The following INSM1 variants were observed in gnomAD, a reference collection of about 807,000 sequenced individuals.
INSM1 encodes the protein insulinoma-associated protein 1.
Under a neutral mutation model 21.1 loss-of-function variants are expected in INSM1, and 11 were observed. The ratio of observed to expected loss-of-function variants is 0.52; its 90% CI spans 0.33 to 0.86. The LOEUF (loss-of-function observed/expected upper bound fraction) is 0.86. INSM1 is among the 40% of genes least tolerant of loss of function. INSM1 has a pLI of 0.03. For missense variants in INSM1, 843 were observed against 760.1 expected, an observed-to-expected ratio of 1.11 and a Z score of -1.28; for synonymous variants, 473 against 386.1, an observed-to-expected ratio of 1.23 and a Z score of -2.64.
At position 20,368,739 on chromosome 20, in the gene INSM1, G is replaced by A. The variant is rs1311923595; in HGVS notation, c.472G>A (p.Asp158Asn). 1.7e-6 allele frequency: 2 copies of A among 1,177,234 alleles called. No homozygotes were observed. Among genetic ancestry groups the A allele is most frequent in the Non-Finnish European group, 2.1e-6 (2 of 939,866 alleles). The allele number at this position is 1,177,234 out of a possible 1,614,324, so 72.9% of individuals were successfully genotyped here. ...GAGGGGTCGG[D>N]PLLFAPAELK... ...TGGCGGAGGCGGCACCTGCGGCGGC[G>A]ACCCGCTGCTCTTCGCGCCCGCCGA... Residue 158 changes from aspartate (D) to asparagine (N), a missense_variant, in exon 1 of 1, where the codon GAC becomes AAC. Transcript: ENST00000310227. The surrounding 1 kb of genome is among the most constrained non-coding windows in gnomAD (Gnocchi z 4.3).
At position 20,369,426 on chromosome 20, in the gene INSM1, C is replaced by T. The variant is rs1452456726; in HGVS notation, c.1159C>T (p.Leu387=). 10 of 1,550,982 alleles carry T rather than the reference C, an allele frequency of 6.4e-6. No individual in the cohort carries two copies. The Middle Eastern group carries it at 5.0e-4, about 78-fold the overall frequency. Residue 387 remains leucine, a synonymous_variant, in exon 1 of 1, where the codon CTG becomes TTG. Transcript: ENST00000310227. The surrounding 1 kb of genome is among the most constrained non-coding windows in gnomAD (Gnocchi z 5.6). ...RRQAYLRKHL[L]AHHQALQAKG... ...CCAGGCCTACCTACGCAAGCACCTG[C>T]TGGCGCACCACCAGGCGCTGCAGGC...
chr20:20,369,373 G>C lies in INSM1; in HGVS notation c.1106G>C (p.Cys369Ser), dbSNP rs751802028. 1.9e-6 allele frequency: 3 copies of C among 1,543,752 alleles called. No homozygotes were observed. The African/African-American group carries it at 4.2e-5, about 22-fold the overall frequency. The change falls in exon 1 of 1, where the codon TGC becomes TCC. Residue 369 changes from cysteine (C) to serine (S), a missense_variant. Transcript: ENST00000310227. The surrounding 1 kb of genome is among the most constrained non-coding windows in gnomAD (Gnocchi z 5.6). ...GGCTCCGAGGACGGGCTCTACGAGT[G>C]CCATCACTGCGCCAAGAAGTTCCGC... ...ESGSEDGLYE[C>S]HHCAKKFRRQ...
Position 20,370,118 on chromosome 20 carries a change from G to A in INSM1, c.*318G>A, listed in dbSNP as rs1449950527. ...GTGGTTGGAAGCCTCCCCTTGGCGG[G>A]GAGAAGCTTTTTTTCTTGCTAGTAT... On this transcript the variant is annotated 3_prime_UTR_variant, in exon 1 of 1. Coordinates refer to ENST00000310227, the MANE Select transcript of INSM1 (RefSeq NM_002196.3). The A allele has an allele frequency of 3.1e-6, 1 of 327,444 alleles. No individual in the cohort carries two copies. Among genetic ancestry groups the A allele is most frequent in the Non-Finnish European group, 5.9e-6 (1 of 170,878 alleles). 20.3% of individuals were successfully genotyped at this position (327,444 alleles called of 1,614,324 possible).
At position 20,369,863 on chromosome 20, in the gene INSM1, G is replaced by C; in HGVS notation, c.*63G>C. On this transcript the variant is annotated 3_prime_UTR_variant, in exon 1 of 1. Transcript: ENST00000310227. This position sits in a 1 kb window ranked among gnomAD's most constrained non-coding sequence, Gnocchi z 5.6. Reference sequence around the variant, plus strand: ...GCTTGGAGACCCACAAAGAGAGTGCGCCCTGCACTCCCCGAACCCGAGTCC... The same window carrying C: ...GCTTGGAGACCCACAAAGAGAGTGCCCCCTGCACTCCCCGAACCCGAGTCC... 1 of 1,428,448 alleles carries C rather than the reference G, an allele frequency of 7.0e-7. No homozygotes were observed. The highest frequency in any genetic ancestry group is 9.4e-7 in the Non-Finnish European group (1 of 1,058,488). The allele number at this position is 1,428,448 out of a possible 1,614,324, so 88.5% of individuals were successfully genotyped here.
rs1238380323 is a variant in INSM1, at chr20:20,369,248, C to T, written c.981C>T (p.Arg327=). 6.9e-6 allele frequency: 10 copies of T among 1,441,256 alleles called. No individual in the cohort carries two copies. Among genetic ancestry groups the T allele is most frequent in the Non-Finnish European group, 9.0e-6 (10 of 1,105,570 alleles). The allele number at this position is 1,441,256 out of a possible 1,614,324, so 89.3% of individuals were successfully genotyped here. Residue 327 remains arginine (R), a synonymous_variant, in exon 1 of 1, where the codon CGC becomes CGT. Coordinates refer to ENST00000310227, the MANE Select transcript of INSM1 (RefSeq NM_002196.3). The surrounding 1 kb of genome is among the most constrained non-coding windows in gnomAD (Gnocchi z 5.6). ...CGCGGCCCGCGCCCGCCGCCGCCCG[C>T]GCGCCGGAGCCAGAAGCAGCAGCCA... The part of the protein sequence containing the change: ...HKPRPAPAAA[R]APEPEAAARA...
rs1406457391 is a variant in INSM1, at chr20:20,368,141, C to G, written c.-127C>G. On this transcript the variant is annotated 5_prime_UTR_variant, in exon 1 of 1. Transcript: ENST00000310227. The surrounding 1 kb of genome is among the most constrained non-coding windows in gnomAD (Gnocchi z 4.3). ...GTGCAGGGCGCAGAGCTGGGCCGAGCCGTCGCCGGCGCCACGCGAGTCCCG... is the reference window on the plus strand; with the variant it reads ...GTGCAGGGCGCAGAGCTGGGCCGAGGCGTCGCCGGCGCCACGCGAGTCCCG... 1 of 657,318 alleles carries G rather than the reference C, an allele frequency of 1.5e-6. No homozygotes were observed. The highest frequency in any genetic ancestry group is 1.9e-6 in the Non-Finnish European group (1 of 520,688). The allele number at this position is 657,318 out of a possible 1,614,324, so 40.7% of individuals were successfully genotyped here. A position where few individuals can be genotyped will look rare whatever the true frequency, so the allele number is the denominator to read the frequency against.
In INSM1 at chr20:20,370,003, C is replaced by T. The variant is rs1382703228; in HGVS notation, c.*203C>T. 3.6e-6 allele frequency: 2 copies of T among 550,274 alleles called. No homozygotes were observed. Among genetic ancestry groups the T allele is most frequent in the Non-Finnish European group, 6.5e-6 (2 of 308,736 alleles). The allele number at this position is 550,274 out of a possible 1,614,324, so 34.1% of individuals were successfully genotyped here. On this transcript the variant is annotated 3_prime_UTR_variant, in exon 1 of 1. Coordinates refer to ENST00000310227, the MANE Select transcript of INSM1 (RefSeq NM_002196.3). ...CTTTTGACTCCTTTTGGAACCCCCA[C>T]TTTTACGTTGTGTCCCTCCGCCTCC...
Position 20,369,819 on chromosome 20 carries a change from G to GC in INSM1, c.*24dup, listed in dbSNP as rs2059493004. Reference sequence around the variant, plus strand: ...CTGCTAGAGCGCGCCCTCCACCCCGGCCCCCGAACTGTGCCTTCGCTTGGA... The same window carrying GC: ...CTGCTAGAGCGCGCCCTCCACCCCGGCCCCCCGAACTGTGCCTTCGCTTGGA... On this transcript the variant is annotated 3_prime_UTR_variant, in exon 1 of 1. Coordinates refer to ENST00000310227, the MANE Select transcript of INSM1 (RefSeq NM_002196.3). This position sits in a 1 kb window ranked among gnomAD's most constrained non-coding sequence, Gnocchi z 5.6. 2 of 1,567,404 alleles carry GC rather than the reference G, an allele frequency of 1.3e-6. No individual in the cohort carries two copies. Among genetic ancestry groups the GC allele is most frequent in the Non-Finnish European group, 1.7e-6 (2 of 1,155,880 alleles).
rs2059485887 is a variant in INSM1, at chr20:20,368,696, C to A, written c.429C>A (p.Gly143=). Residue 143 remains glycine (G), a synonymous_variant, in exon 1 of 1, where the codon GGC becomes GGA. Coordinates refer to ENST00000310227, the MANE Select transcript of INSM1 (RefSeq NM_002196.3). The surrounding 1 kb of genome is among the most constrained non-coding windows in gnomAD (Gnocchi z 4.3). ...TPAALLGGGG[G]GGASGAGGGG... Reference sequence around the variant, plus strand: ...CCGCGCTGCTCGGAGGGGGCGGCGGCGGCGGCGCGAGCGGAGCTGGCGGAG... The same window carrying A: ...CCGCGCTGCTCGGAGGGGGCGGCGGAGGCGGCGCGAGCGGAGCTGGCGGAG... The A allele has an allele frequency of 7.8e-7, 1 of 1,289,322 alleles. No individual in the cohort carries two copies. The highest frequency in any genetic ancestry group is 1.0e-6 in the Non-Finnish European group (1 of 1,004,266). The allele number at this position is 1,289,322 out of a possible 1,614,324, so 79.9% of individuals were successfully genotyped here.
In INSM1 at chr20:20,369,890, C is replaced by G; in HGVS notation, c.*90C>G. The G allele has an allele frequency of 1.5e-5, 18 of 1,165,452 alleles. No homozygotes were observed. Among genetic ancestry groups the G allele is most frequent in the Non-Finnish European group, 2.1e-5 (18 of 845,030 alleles). The allele number at this position is 1,165,452 out of a possible 1,614,324, so 72.2% of individuals were successfully genotyped here. A position where few individuals can be genotyped will look rare whatever the true frequency, so the allele number is the denominator to read the frequency against. The stretch of plus-strand genomic sequence containing the variant: ...CCTGCACTCCCCGAACCCGAGTCCG[C>G]GCTGGGGGAGCCTCGCCCCCGCCCC... On this transcript the variant is annotated 3_prime_UTR_variant, in exon 1 of 1. Coordinates refer to ENST00000310227, the MANE Select transcript of INSM1 (RefSeq NM_002196.3). This position sits in a 1 kb window ranked among gnomAD's most constrained non-coding sequence, Gnocchi z 5.6.
Position 20,369,351 on chromosome 20 carries a change from T to C in INSM1, c.1084T>C (p.Ser362Pro). 2 of 1,486,848 alleles carry C rather than the reference T, an allele frequency of 1.3e-6. No individual in the cohort carries two copies. The highest frequency in any genetic ancestry group is 1.3e-5 in the South Asian group (1 of 76,840). 92.1% of individuals were successfully genotyped at this position (1,486,848 alleles called of 1,614,324 possible). ...CCCCGGCGGCGTGTCCGAGTCGGGC[T>C]CCGAGGACGGGCTCTACGAGTGCCA... is the stretch of plus-strand genomic sequence containing the variant. ...PSPGGVSESGSEDGLYECHHC... is the reference protein window; with the variant it reads ...PSPGGVSESGPEDGLYECHHC... Residue 362 changes from serine to proline, a missense_variant, in exon 1 of 1, where the codon TCC becomes CCC. Coordinates refer to ENST00000310227, the MANE Select transcript of INSM1 (RefSeq NM_002196.3). The surrounding 1 kb of genome is among the most constrained non-coding windows in gnomAD (Gnocchi z 5.6).
chr20:20,368,904 A>G lies in INSM1; in HGVS notation c.637A>G (p.Lys213Glu). The change falls in exon 1 of 1, where the codon AAG becomes GAG. Residue 213 changes from lysine to glutamate, a missense_variant. Coordinates refer to ENST00000310227, the MANE Select transcript of INSM1 (RefSeq NM_002196.3). The surrounding 1 kb of genome is among the most constrained non-coding windows in gnomAD (Gnocchi z 4.3). ...PPPTAAEPPA[K>E]AVKAPGAKKP... ...CCCTACCGCCGCGGAGCCGCCCGCC[A>G]AGGCAGTCAAGGCCCCGGGCGCCAA... The G allele has an allele frequency of 2.0e-6, 3 of 1,489,844 alleles. No homozygotes were observed. The highest frequency in any genetic ancestry group is 2.7e-6 in the Non-Finnish European group (3 of 1,122,720). The allele number at this position is 1,489,844 out of a possible 1,614,324, so 92.3% of individuals were successfully genotyped here.
rs1311244624 is a variant in INSM1 at position 20,369,135 on chromosome 20, A to G, written c.868A>G (p.Ile290Val). ...GCTGGCGCAGCACAAATGCTCGCGC[A>G]TCGTGCGTGTGGAGTACCGCTGTCC... ...FALAQHKCSR[I>V]VRVEYRCPEC... The change falls in exon 1 of 1, where the codon ATC becomes GTC. Residue 290 changes from isoleucine to valine, a missense_variant. By Grantham distance (29) the Ile-to-Val change is conservative. Transcript: ENST00000310227. This position sits in a 1 kb window ranked among gnomAD's most constrained non-coding sequence, Gnocchi z 5.6. 1 of 1,587,090 alleles carries G rather than the reference A, an allele frequency of 6.3e-7. No individual in the cohort carries two copies. The highest frequency in any genetic ancestry group is 1.7e-5 in the Admixed American group (1 of 58,568).
Position 20,369,103 on chromosome 20 carries a change from C to G in INSM1, c.836C>G (p.Pro279Arg). The change falls in exon 1 of 1, where the codon CCG (proline) becomes CGG (arginine). Residue 279 changes from proline to arginine, a missense_variant. Coordinates refer to ENST00000310227, the MANE Select transcript of INSM1 (RefSeq NM_002196.3). The surrounding 1 kb of genome is among the most constrained non-coding windows in gnomAD (Gnocchi z 5.6). The stretch of plus-strand genomic sequence containing the variant: ...CTGTGCAAGGAGGAGTACGCCGACC[C>G]GTTCGCGCTGGCGCAGCACAAATGC... ...CQLCKEEYAD[P>R]FALAQHKCSR... 1.9e-6 allele frequency: 3 copies of G among 1,586,794 alleles called. No homozygotes were observed. The highest frequency in any genetic ancestry group is 2.6e-6 in the Non-Finnish European group (3 of 1,171,472).
In INSM1 at chr20:20,368,598, G is replaced by A. The variant is rs867761082; in HGVS notation, c.331G>A (p.Glu111Lys). The change falls in exon 1 of 1, where the codon GAG becomes AAG. Residue 111 changes from glutamate (E) to lysine (K), a missense_variant. Transcript: ENST00000310227. The surrounding 1 kb of genome is among the most constrained non-coding windows in gnomAD (Gnocchi z 4.3). ...CACGCGGCCCGTGAGCCGCGAGCAC[G>A]AGAAGCACAAGTACTTCGAACGCAG... Reference protein sequence around the residue: ...SPTRPVSREHEKHKYFERSFN... With the variant: ...SPTRPVSREHKKHKYFERSFN... The A allele has an allele frequency of 1.4e-6, 2 of 1,468,838 alleles. No homozygotes were observed. Among genetic ancestry groups the A allele is most frequent in the African/African-American group, 1.5e-5 (1 of 67,684 alleles). 91.0% of individuals were successfully genotyped at this position (1,468,838 alleles called of 1,614,324 possible). A position where few individuals can be genotyped will look rare whatever the true frequency, so the allele number is the denominator to read the frequency against.
rs61733922 is a variant in INSM1 at position 20,369,743 on chromosome 20, C to T, written c.1476C>T (p.His492=). 2.8e-3 allele frequency: 4,513 copies of T among 1,603,250 alleles called. 105 individuals are homozygous for T. The African/African-American group carries it at 0.054, about 19-fold the overall frequency. ...TTACGCGGCACATCAACAAGTGCCACCCATCCGAAAACAGACAGGTGATCC... is the reference window on the plus strand; with the variant it reads ...TTACGCGGCACATCAACAAGTGCCATCCATCCGAAAACAGACAGGTGATCC... The part of the protein sequence containing the change: ...PGLTRHINKC[H]PSENRQVILL... Residue 492 remains histidine (H), a synonymous_variant, in exon 1 of 1, where the codon CAC becomes CAT. Transcript: ENST00000310227. This position sits in a 1 kb window ranked among gnomAD's most constrained non-coding sequence, Gnocchi z 5.6.
In INSM1 at chr20:20,369,809, C is replaced by G. The variant is rs532755899; in HGVS notation, c.*9C>G. 17 of 1,578,630 alleles carry G rather than the reference C, an allele frequency of 1.1e-5. No homozygotes were observed. The highest frequency in any genetic ancestry group is 1.4e-5 in the Non-Finnish European group (16 of 1,161,614). On this transcript the variant is annotated 3_prime_UTR_variant, in exon 1 of 1. Transcript: ENST00000310227. The surrounding 1 kb of genome is among the most constrained non-coding windows in gnomAD (Gnocchi z 5.6). ...TGCGCCCGGCCTGCTAGAGCGCGCCCTCCACCCCGGCCCCCGAACTGTGCC... is the reference window on the plus strand; with the variant it reads ...TGCGCCCGGCCTGCTAGAGCGCGCCGTCCACCCCGGCCCCCGAACTGTGCC...
chr20:20,369,639 C>T lies in INSM1; in HGVS notation c.1372C>T (p.Arg458Cys). ...ESFASKGAQE[R>C]HLRLLHAAQV... is the part of the protein sequence containing the mutation. ...GTTCGCCAGCAAGGGCGCTCAGGAG[C>T]GCCACCTGCGCCTGCTGCACGCCGC... The change falls in exon 1 of 1, where the codon CGC (arginine) becomes TGC (cysteine). Residue 458 changes from arginine (R) to cysteine (C), a missense_variant. Transcript: ENST00000310227. This position sits in a 1 kb window ranked among gnomAD's most constrained non-coding sequence, Gnocchi z 5.6. 1 of 1,600,666 alleles carries T rather than the reference C, an allele frequency of 6.2e-7. No homozygotes were observed.
In INSM1 at chr20:20,369,404, G is replaced by C; in HGVS notation, c.1137G>C (p.Gln379His). Residue 379 changes from glutamine (Q) to histidine (H), a missense_variant, in exon 1 of 1, where the codon CAG becomes CAC. Transcript: ENST00000310227. The surrounding 1 kb of genome is among the most constrained non-coding windows in gnomAD (Gnocchi z 5.6). ...ACTGCGCCAAGAAGTTCCGCCGCCA[G>C]GCCTACCTACGCAAGCACCTGCTGG... ...CHHCAKKFRR[Q>H]AYLRKHLLAH... The C allele has an allele frequency of 6.4e-7, 1 of 1,554,932 alleles. No individual in the cohort carries two copies. Among genetic ancestry groups the C allele is most frequent in the Non-Finnish European group, 8.6e-7 (1 of 1,161,884 alleles).
Sources: gnomAD v4.1 joint callset for allele counts on GRCh38, gnomAD v4.1.1 for gene constraint, Gnocchi (gnomAD v3.1) non-coding constraint, MANE v1.5 for transcripts, NCBI Gene and HGNC (gene_info 2026-07-23, HGNC 2026-07-21) for gene names.